RNF13: variants seen among roughly 807,000 people sequenced by gnomAD.
RNF13 encodes E3 ubiquitin-protein ligase RNF13.
RNF13 carries 19 observed loss-of-function variants against 37.7 expected under a neutral mutation model. The ratio of observed to expected loss-of-function variants is 0.50; its 90% CI spans 0.35 to 0.74. The LOEUF is 0.74. RNF13 is among the 30% of genes least tolerant of loss of function. The probability of loss-of-function intolerance (pLI) is 0.01; values close to 1 mark genes in which losing one functional copy is unlikely to be tolerated. For missense variants in RNF13, 375 were observed against 453.0 expected, an observed-to-expected ratio of 0.83 and a Z score of 1.56; for synonymous variants, 144 against 157.8, an observed-to-expected ratio of 0.91 and a Z score of 0.65.
chr3:149,874,481 A>G (rs189052097), intron 4 of RNF13, among the ~76,000 whole-genome samples: 4 of 152,312 alleles, frequency 2.6e-5, no homozygotes, highest in Non-Finnish European at 4.4e-5. Context: ...AAATGAACTA[A>G]TCAATGTTAA....
chr3:149,836,439 T>C (rs1263406530), intron 1 of RNF13, among the ~76,000 whole-genome samples: 1 of 152,088 alleles, frequency 6.6e-6, no homozygotes, highest in Non-Finnish European at 1.5e-5. Flanking sequence ...TATGTATATA[T>C]ATATATTGTA....
chr3:149,824,672 T>C (rs527508723), intron 1 of RNF13, among the ~76,000 whole-genome samples: 66 of 152,238 alleles, frequency 4.3e-4, no homozygotes, highest in African/African-American at 1.5e-3. Flanking sequence ...GGGGCTTTTT[T>C]TTTTTAAAGA....
intron 4 of RNF13, among the ~76,000 whole-genome samples, chr3:149,876,613 G>A (rs562343317): frequency 4.1e-4 from 62 of 152,058 alleles, no homozygotes; most frequent in African/African-American, 1.4e-3. Context: ...GTGCTGAGCA[G>A]TCTCTCCCAC....
At chr3:149,845,947 A>C (rs1007085252) in intron 1 of RNF13, 64 bp from the exon 2 acceptor site, 10 of 805,196 alleles carry the variant, frequency 1.2e-5, no homozygotes, top group Admixed American at 2.3e-5. Context: ...GAATTAATAT[A>C]TCAAATGATC....
At chr3:149,890,496 TA>T (rs1714584033) in intron 4 of RNF13, among the ~76,000 whole-genome samples, 3 of 152,334 alleles carry the variant, frequency 2.0e-5, no homozygotes, top group Non-Finnish European at 4.4e-5. Context: ...AGCACTGTTT[TA>T]AGTGTTTTTC....
intron 8 of RNF13, among the ~76,000 whole-genome samples, chr3:149,959,415 A>G (rs1722171182): frequency 6.6e-6 from 1 of 152,198 alleles, no homozygotes; most frequent in Non-Finnish European, 1.5e-5. Flanking sequence ...TTCTATGATT[A>G]TAAAACTGAT....
rs79055156 is a variant in RNF13, at chr3:149,952,420, G to T, written c.701-7636G>T. On this transcript the variant is annotated intron_variant, in intron 8 of 9. Transcript: ENST00000392894. ...CCACTGCCCCAAGTGTAACTGAAAC[G>T]GACAGGTTTTTTATTTAATTTCCTT... 2.6e-5 allele frequency among the ~76,000 whole-genome samples: 4 copies of T among 152,028 alleles called. No homozygotes were observed. In the East Asian group the frequency reaches 7.7e-4, roughly 29 times the overall value.
At chr3:149,926,129 T>A (rs1718620211) in intron 8 of RNF13, among the ~76,000 whole-genome samples, 1 of 152,226 alleles carries the variant, frequency 6.6e-6, no homozygotes, top group Admixed American at 6.5e-5. Context: ...TCAATAATTC[T>A]TGTGTTTTAA....
At chr3:149,847,634 G>T (rs940427244) in intron 2 of RNF13, among the ~76,000 whole-genome samples, 2 of 151,972 alleles carry the variant, frequency 1.3e-5, no homozygotes, top group African/African-American at 4.8e-5. Flanking sequence ...TTTTGAGGTG[G>T]AATGGAAATA....
At chr3:149,957,976 T>C (rs1722025414) in intron 8 of RNF13, among the ~76,000 whole-genome samples, 1 of 152,178 alleles carries the variant, frequency 6.6e-6, no homozygotes. Context: ...TCACAAACTG[T>C]ACCTTGGAAT....
chr3:149,856,444 C>CT (rs34185354), intron 3 of RNF13, among the ~76,000 whole-genome samples: 9,169 of 135,172 alleles, frequency 0.068, 346 homozygotes, highest in African/African-American at 0.087. Context: ...CTGAAAAATA[C>CT]TTTTTTTTTT....
At chr3:149,953,314 T>C (rs1367628361) in intron 8 of RNF13, among the ~76,000 whole-genome samples, 1 of 152,236 alleles carries the variant, frequency 6.6e-6, no homozygotes, top group Non-Finnish European at 1.5e-5. Flanking sequence ...AGTGGAGTCA[T>C]CTGATTGTTT....
chr3:149,920,650 G>C (rs1472267503), intron 7 of RNF13, among the ~76,000 whole-genome samples: 1 of 151,860 alleles, frequency 6.6e-6, no homozygotes, highest in Non-Finnish European at 1.5e-5. Flanking sequence ...AAAATATTTT[G>C]TACATTTTAT....
intron 3 of RNF13, among the ~76,000 whole-genome samples, chr3:149,869,331 C>T (rs552493528): frequency 7.2e-5 from 11 of 151,958 alleles, no homozygotes; most frequent in East Asian, 3.9e-4. Flanking sequence ...TTAGGCCGGG[C>T]GCGGTGGCTC....
intron 4 of RNF13, among the ~76,000 whole-genome samples, chr3:149,875,743 AAGAAGAACT>A (rs1036381007): frequency 6.6e-6 from 1 of 152,236 alleles, no homozygotes; most frequent in Non-Finnish European, 1.5e-5. Flanking sequence ...AAAAGCCAGT[AAGAAGAACT>A]ATTGATTACA....
chr3:149,827,191 C>T (rs1720590318), intron 1 of RNF13, among the ~76,000 whole-genome samples: 1 of 152,110 alleles, frequency 6.6e-6, no homozygotes, highest in African/African-American at 2.4e-5. Flanking sequence ...ACATGTTAAA[C>T]AATATGGTAT....
At chr3:149,947,426 G>A (rs1422675226) in intron 8 of RNF13, among the ~76,000 whole-genome samples, 3 of 150,564 alleles carry the variant, frequency 2.0e-5, no homozygotes, top group African/African-American at 4.9e-5. Context: ...TTTTTTAAAG[G>A]CGGAGTTTCG....
intron 8 of RNF13, among the ~76,000 whole-genome samples, chr3:149,945,062 A>G (rs1320401070): frequency 6.6e-6 from 1 of 152,230 alleles, no homozygotes; most frequent in East Asian, 1.9e-4. Flanking sequence ...TTTATTAAAT[A>G]GGGAATCCTT....
intron 8 of RNF13, chr3:149,939,801 G>A (rs1720075633): frequency 1.7e-6 from 1 of 571,780 alleles, no homozygotes; most frequent in Middle Eastern, 5.4e-4. Context: ...CTTCCATGGG[G>A]TGGTGACACG....
Sources: gnomAD v4.1 joint callset for allele counts (sites outside exome capture counted in the v4.1 genomes callset) on GRCh38, gnomAD v4.1.1 for gene constraint, MANE v1.5 for transcripts, NCBI Gene and HGNC (gene_info 2026-07-23, HGNC 2026-07-21) for gene names.